MBTPS1: variants seen among roughly 807,000 people sequenced by gnomAD.
MBTPS1 encodes the protein membrane bound transcription factor peptidase, site 1, also known as membrane-bound transcription factor site-1 protease.
Under a neutral mutation model 127.8 loss-of-function variants are expected in MBTPS1, and 94 were observed. The observed-to-expected ratio is 0.74, with a 90% confidence interval of 0.62 to 0.87. MBTPS1 has a LOEUF of 0.87. Among genes scored for constraint, MBTPS1 ranks in the 40% least tolerant of loss-of-function variants. The pLI is 0.00. For missense variants in MBTPS1, 1,636 were observed against 1,353.2 expected (o/e 1.21, Z -3.28); for synonymous variants, 632 against 509.4 (o/e 1.24, Z -3.24).
intron 20 of MBTPS1, chr16:84,059,951 T>C (rs1396058687): frequency 1.3e-5 from 2 of 152,254 alleles, no homozygotes; most frequent in African/African-American, 4.8e-5. Flanking sequence ...TGGGCTCAAG[T>C]ATATTATTAA....
intron 11 of MBTPS1, among the ~76,000 whole-genome samples, chr16:84,077,190 A>G (rs1390363098): frequency 1.3e-5 from 2 of 148,980 alleles, no homozygotes; most frequent in Middle Eastern, 3.4e-3. Context: ...ATGCAACTAC[A>G]CTCCAGCCTG....
chr16:84,067,256 C>T (rs1292568548), intron 16 of MBTPS1, among the ~76,000 whole-genome samples: 1 of 152,116 alleles, frequency 6.6e-6, no homozygotes, highest in East Asian at 1.9e-4. Flanking sequence ...ACAATGAACC[C>T]TCTATATTAT....
At chr16:84,060,917 T>C in intron 19 of MBTPS1, 104 bp from the exon 20 acceptor site, 1 of 1,134,584 alleles carries the variant, frequency 8.8e-7, no homozygotes, top group Non-Finnish European at 1.2e-6. Flanking sequence ...CACTGCAGCC[T>C]TGAGCTCCTG....
intron 4 of MBTPS1, among the ~76,000 whole-genome samples, chr16:84,094,941 GC>G (rs763607075): frequency 6.6e-6 from 1 of 152,206 alleles, no homozygotes; most frequent in Non-Finnish European, 1.5e-5. Context: ...TGTCCTGGGA[GC>G]AGGTGAAACT....
chr16:84,067,129 T>C (rs932497228), intron 16 of MBTPS1, among the ~76,000 whole-genome samples: 1 of 152,154 alleles, frequency 6.6e-6, no homozygotes, highest in Admixed American at 6.5e-5. Flanking sequence ...AAATATTCTT[T>C]AAGAAACAGT....
At chr16:84,081,119 T>C (rs1420983218) in intron 11 of MBTPS1, among the ~76,000 whole-genome samples, 4 of 152,202 alleles carry the variant, frequency 2.6e-5, no homozygotes, top group Non-Finnish European at 4.4e-5. Context: ...TCAAGGTTCA[T>C]TTCCAGACTC....
At position 84,106,815 on chromosome 16, in the gene MBTPS1, C is replaced by T. The variant is rs551026781; in HGVS notation, c.-324-4708G>A. 3.9e-5 allele frequency among the ~76,000 whole-genome samples: 6 copies of T among 152,166 alleles called. No individual in the cohort carries two copies. The East Asian group carries it at 9.7e-4, about 25-fold the overall frequency. ...GAGAAGATGCTGGCTTGGACCAGGG[C>T]GGGCAGGGGAGGTGATAAGAGGCGA... is the stretch of plus-strand genomic sequence containing the variant. On this transcript the variant is annotated intron_variant, in intron 1 of 22. Transcript: ENST00000343411.
intron 14 of MBTPS1, among the ~76,000 whole-genome samples, chr16:84,069,537 G>A (rs1006010397): frequency 6.6e-6 from 1 of 152,228 alleles, no homozygotes; most frequent in African/African-American, 2.4e-5. Context: ...ACAATGGCAT[G>A]GACTAGGGTG....
chr16:84,087,482 A>T, intron 8 of MBTPS1, 22 bp from the exon 9 acceptor site: 1 of 1,423,356 alleles, frequency 7.0e-7, no homozygotes, highest in Non-Finnish European at 9.6e-7. Context: ...CCAAAAAAAA[A>T]AAAAAAGAAA....
Position 84,087,473 on chromosome 16 carries a change from C to CAAAAAAAAAAAAAAA in MBTPS1, c.1032-28_1032-14dup. On this transcript the variant is annotated splice_polypyrimidine_tract_variant and intron_variant, in intron 8 of 22. Coordinates refer to ENST00000343411, the MANE Select transcript of MBTPS1 (RefSeq NM_003791.4). ...GTTATTCAGAGTGCTATATTGAGACCAAAAAAAAAAAAAAAGAAAAGAAAA... is the reference window on the plus strand; with the variant it reads ...GTTATTCAGAGTGCTATATTGAGACCAAAAAAAAAAAAAAAAAAAAAAAAAAAAAAGAAAAGAAAA... The CAAAAAAAAAAAAAAA allele has an allele frequency of 1.9e-6, 2 of 1,036,174 alleles. No individual in the cohort carries two copies. Among genetic ancestry groups the CAAAAAAAAAAAAAAA allele is most frequent in the Admixed American group, 2.5e-5 (1 of 39,394 alleles). The allele number at this position is 1,036,174 out of a possible 1,614,324, so 64.2% of individuals were successfully genotyped here. A position where few individuals can be genotyped will look rare whatever the true frequency, so the allele number is the denominator to read the frequency against.
intron 21 of MBTPS1, chr16:84,056,702 C>G (rs757791341): frequency 6.6e-6 from 1 of 152,440 alleles, no homozygotes; most frequent in South Asian, 2.1e-4. Flanking sequence ...AGCAGCAAAA[C>G]GTGGGGTCCC....
intron 6 of MBTPS1, among the ~76,000 whole-genome samples, chr16:84,092,274 G>T (rs1399741164): frequency 1.3e-5 from 2 of 152,146 alleles, no homozygotes; most frequent in Admixed American, 1.3e-4. Context: ...AAGGACAAAT[G>T]GCAGCAGTAA....
chr16:84,107,853 C>A (rs1315225741), intron 1 of MBTPS1, among the ~76,000 whole-genome samples: 1 of 149,674 alleles, frequency 6.7e-6, no homozygotes, highest in African/African-American at 2.5e-5. Flanking sequence ...TACAATACGG[C>A]ACTATGTCCA....
At chr16:84,095,959 C>G (rs763641586) in intron 3 of MBTPS1, among the ~76,000 whole-genome samples, 154 bp from the exon 4 acceptor site, 1 of 152,148 alleles carries the variant, frequency 6.6e-6, no homozygotes, top group South Asian at 2.1e-4. Flanking sequence ...AGGACAGTCT[C>G]AATGCAATTA....
At chr16:84,069,211 A>G (rs1193692839) in intron 14 of MBTPS1, among the ~76,000 whole-genome samples, 1 of 152,242 alleles carries the variant, frequency 6.6e-6, no homozygotes, top group Non-Finnish European at 1.5e-5. Flanking sequence ...TAGTCCAAAC[A>G]TAAAAGCAGA....
intron 1 of MBTPS1, among the ~76,000 whole-genome samples, chr16:84,106,564 A>G (rs906693843): frequency 4.6e-5 from 7 of 152,186 alleles, no homozygotes; most frequent in Admixed American, 3.3e-4. Context: ...GCGGGAAGCA[A>G]GGGAAAGCCA....
At chr16:84,059,740 C>A (rs138765872) in intron 20 of MBTPS1, 2 of 186,024 alleles carry the variant, frequency 1.1e-5, no homozygotes, top group East Asian at 1.3e-4. Flanking sequence ...GCTACACCTG[C>A]GAAATCTAAG....
At chr16:84,100,765 A>G (rs1383775820) in intron 2 of MBTPS1, among the ~76,000 whole-genome samples, 1 of 152,080 alleles carries the variant, frequency 6.6e-6, no homozygotes, top group Non-Finnish European at 1.5e-5. Context: ...TAAATAATTC[A>G]TGTCAATTTC....
chr16:84,065,007 A>G lies in MBTPS1; in HGVS notation c.2431+683T>C, dbSNP rs369860311. Among the ~76,000 whole-genome samples, 137 of 152,368 alleles carry G rather than the reference A, an allele frequency of 9.0e-4. 4 individuals carry two copies. The South Asian group carries it at 0.026, about 29-fold the overall frequency. ...ATACACAGTATCAAACTTGCATGACAGAAACGAATCTTGTACATTTTCATT... is the reference window on the plus strand; with the variant it reads ...ATACACAGTATCAAACTTGCATGACGGAAACGAATCTTGTACATTTTCATT... On this transcript the variant is annotated intron_variant, in intron 18 of 22. Coordinates refer to ENST00000343411, the MANE Select transcript of MBTPS1 (RefSeq NM_003791.4).
Sources: allele counts gnomAD v4.1 joint callset (sites outside exome capture counted in the v4.1 genomes callset), GRCh38; gene constraint gnomAD v4.1.1; transcripts MANE v1.5; gene names NCBI Gene and HGNC (gene_info 2026-07-23, HGNC 2026-07-21).